TMOD4: variants seen among roughly 807,000 people sequenced by gnomAD.
The protein encoded by TMOD4 is tropomodulin-4.
TMOD4 carries 34 observed loss-of-function variants against 45.4 expected under a neutral mutation model. That is an observed-to-expected ratio of 0.75 (90% CI 0.57 to 1.00). TMOD4 has a LOEUF of 1.00. TMOD4 is among the 50% of genes least tolerant of loss of function. TMOD4 has a pLI of 0.00. For missense variants in TMOD4, 399 were observed against 437.5 expected, an observed-to-expected ratio of 0.91 and a Z score of 0.78; for synonymous variants, 131 against 153.9, an observed-to-expected ratio of 0.85 and a Z score of 1.10.
rs1379745606 is a variant in TMOD4 at position 151,174,410 on chromosome 1, G to A, written c.261C>T (p.Pro87=). The change falls in exon 3 of 10, where the codon CCC becomes CCT. Residue 87 remains proline (P), a synonymous_variant. Transcript: ENST00000295314. ...CCATACCCTTCTTCTCGCCTGTGAA[G>A]GGCACCAAGTCATCACGCTCTTTGA... The part of the protein sequence containing the change: ...LEVKERDDLV[P]FTGEKKGKPY... The A allele has an allele frequency of 6.2e-7, 1 of 1,614,116 alleles. No homozygotes were observed. Among genetic ancestry groups the A allele is most frequent in the Non-Finnish European group, 8.5e-7 (1 of 1,180,006 alleles).
chr1:151,170,054 C>T lies in TMOD4; in HGVS notation c.*27G>A, dbSNP rs28730720. 5.9e-3 allele frequency: 9,544 copies of T among 1,613,678 alleles called. 39 individuals are homozygous for T. Among genetic ancestry groups the T allele is most frequent in the Non-Finnish European group, 7.4e-3 (8,764 of 1,179,604 alleles). On this transcript the variant is annotated 3_prime_UTR_variant, in exon 10 of 10. Transcript: ENST00000295314. ...GGATTTAAGTGTCCAGTGCTCCCAGCGCTAGTTGGTAAAGGGAAATGCAGT... is the reference window on the plus strand; with the variant it reads ...GGATTTAAGTGTCCAGTGCTCCCAGTGCTAGTTGGTAAAGGGAAATGCAGT...
Position 151,170,405 on chromosome 1 carries a change from G to A in TMOD4, c.1015+114C>T, listed in dbSNP as rs587722256. On this transcript the variant is annotated intron_variant, in intron 9 of 9. Coordinates refer to ENST00000295314, the MANE Select transcript of TMOD4 (RefSeq NM_013353.3). ...CTCTTGGGATTTGAAATTCTCATAT[G>A]AATAGCTCTTTGGTAGCACCCTGGG... 3.5e-4 allele frequency: 522 copies of A among 1,476,810 alleles called. 9 individuals carry two copies. The South Asian group carries it at 6.2e-3, about 18-fold the overall frequency. The allele number at this position is 1,476,810 out of a possible 1,614,324, so 91.5% of individuals were successfully genotyped here. A position where few individuals can be genotyped will look rare whatever the true frequency, so the allele number is the denominator to read the frequency against.
At chr1:151,172,692 G>C (rs1403463383) in intron 4 of TMOD4, among the ~76,000 whole-genome samples, 1 of 152,076 alleles carries the variant, frequency 6.6e-6, no homozygotes, top group Non-Finnish European at 1.5e-5. Flanking sequence ...GAGTGCAGTG[G>C]TGCGATCTTG....
intron 7 of TMOD4, 35 bp downstream of exon 7, chr1:151,171,398 G>A: frequency 6.4e-7 from 1 of 1,565,686 alleles, no homozygotes; most frequent in South Asian, 1.1e-5. Context: ...CATGTAAGAT[G>A]TGGGGAGAGG....
chr1:151,170,907 A>G lies in TMOD4; in HGVS notation c.870+13T>C. On this transcript the variant is annotated intron_variant, in intron 8 of 9. Transcript: ENST00000295314. The stretch of plus-strand genomic sequence containing the variant: ...GAGACTGAATGCTAACATCAGGGGA[A>G]GGGAATGCTGACCTGATTGTCTACA... 1 of 1,613,678 alleles carries G rather than the reference A, an allele frequency of 6.2e-7. No homozygotes were observed. The highest frequency in any genetic ancestry group is 2.2e-5 in the East Asian group (1 of 44,860).
chr1:151,170,480 TCC>T, intron 9 of TMOD4, 37 bp downstream of exon 9: 1 of 1,612,260 alleles, frequency 6.2e-7, no homozygotes, highest in Non-Finnish European at 8.5e-7. Flanking sequence ...TTTCTGCACT[TCC>T]CTGACCACTC....
chr1:151,174,964 G>T, intron 1 of TMOD4, 47 bp from the exon 2 acceptor site: 1 of 1,527,712 alleles, frequency 6.5e-7, no homozygotes. Flanking sequence ...GATGGACAGG[G>T]ACACAGCAGG....
intron 6 of TMOD4, 36 bp downstream of exon 6, chr1:151,171,597 T>G (rs1418696423): frequency 6.2e-7 from 1 of 1,614,048 alleles, no homozygotes; most frequent in African/African-American, 1.3e-5. Flanking sequence ...TCAGTGGTTA[T>G]CCGGTGTTAT....
rs1364697598 is a variant in TMOD4 at position 151,175,858 on chromosome 1, A to C, written c.-43+66T>G. The C allele has an allele frequency of 2.6e-5, 4 of 152,144 alleles. No individual in the cohort carries two copies. In the East Asian group the frequency reaches 5.8e-4, roughly 22 times the overall value. The allele number at this position is 152,144 out of a possible 1,614,324, so 9.4% of individuals were successfully genotyped here. On this transcript the variant is annotated intron_variant, in intron 1 of 9. Coordinates refer to ENST00000295314, the MANE Select transcript of TMOD4 (RefSeq NM_013353.3). ...CACACTCCACATCATTCCCCATAGG[A>C]GCCACTCTTCTCCTCCCATCTCCCA...
intron 1 of TMOD4, 76 bp from the exon 2 acceptor site, chr1:151,174,993 AG>A: frequency 8.4e-7 from 1 of 1,189,548 alleles, no homozygotes. Context: ...GAGACCAGCC[AG>A]GGGGGCAGAA....
chr1:151,172,171 C>T (rs1224533215), intron 5 of TMOD4, 97 bp downstream of exon 5: 3 of 1,022,834 alleles, frequency 2.9e-6, no homozygotes, highest in South Asian at 1.4e-5. Flanking sequence ...AGCATGTCCT[C>T]TCCCAGAATC....
rs759021107 is a variant in TMOD4 at position 151,170,469 on chromosome 1, AT to A, written c.1015+49del. 5 of 1,606,872 alleles carry A rather than the reference AT, an allele frequency of 3.1e-6. No individual in the cohort carries two copies. The East Asian group carries it at 1.1e-4, about 36-fold the overall frequency. On this transcript the variant is annotated intron_variant, in intron 9 of 9. Coordinates refer to ENST00000295314, the MANE Select transcript of TMOD4 (RefSeq NM_013353.3). The stretch of plus-strand genomic sequence containing the variant: ...GGTCTGCTTTCAGGAGGATCCACCA[AT>A]TTCTGCACTTCCCTGACCACTCCAC...
Position 151,170,101 on chromosome 1 carries a change from G to T in TMOD4, c.1018C>A (p.Arg340Ser). Residue 340 changes from arginine to serine, a missense_variant and splice_region_variant, in exon 10 of 10, where the codon CGC (arginine) becomes AGC (serine). Physicochemically the swap from Arg to Ser is moderately radical, Grantham distance 110 (BLOSUM62 -1). Transcript: ENST00000295314. ...CAGTGTTATCTCTTCTTTTGCTGGC[G>T]ACCTGTAAAGGAGCAATATTAAACA... Reference protein sequence around the residue: ...QAMTRNNELRRQQKKR With the variant: ...QAMTRNNELRSQQKKR The T allele has an allele frequency of 6.2e-7, 1 of 1,614,120 alleles. No individual in the cohort carries two copies. Among genetic ancestry groups the T allele is most frequent in the South Asian group, 1.1e-5 (1 of 91,054 alleles).
At chr1:151,170,709 GTTTACCATCCCACAT>G (rs1683925280) in intron 8 of TMOD4, 46 bp from the exon 9 acceptor site, 1 of 1,608,296 alleles carries the variant, frequency 6.2e-7, no homozygotes, top group Non-Finnish European at 8.5e-7. Flanking sequence ...TCTCTGGGCT[GTTTACCATCCCACAT>G]CACAGACCCC....
At chr1:151,173,794 C>T (rs587697110) in intron 3 of TMOD4, among the ~76,000 whole-genome samples, 179 bp from the exon 4 acceptor site, 3 of 152,288 alleles carry the variant, frequency 2.0e-5, no homozygotes, top group East Asian at 1.9e-4. Context: ...CTGAAGAGTG[C>T]GGGGCTGGGC....
At chr1:151,172,419 C>T (rs1683990127) in intron 4 of TMOD4, 62 bp from the exon 5 acceptor site, 1 of 1,285,952 alleles carries the variant, frequency 7.8e-7, no homozygotes, top group Non-Finnish European at 1.1e-6. Flanking sequence ...AGCCTCCCTC[C>T]TACCTATTTC....
intron 8 of TMOD4, 93 bp from the exon 9 acceptor site, chr1:151,170,756 G>C: frequency 6.4e-7 from 1 of 1,550,460 alleles, no homozygotes; most frequent in Non-Finnish European, 8.7e-7. Context: ...AAAGAAGCTT[G>C]TTTCTCCACA....
chr1:151,171,129 C>G, intron 7 of TMOD4, 66 bp from the exon 8 acceptor site: 1 of 1,553,024 alleles, frequency 6.4e-7, no homozygotes, highest in Non-Finnish European at 8.8e-7. Flanking sequence ...AAAGAAAGAA[C>G]AGGAGCAAGA....
At chr1:151,171,355 G>A in intron 7 of TMOD4, 78 bp downstream of exon 7, 2 of 1,372,820 alleles carry the variant, frequency 1.5e-6, no homozygotes, top group Middle Eastern at 2.2e-4. Context: ...GCACTCCCTA[G>A]CAAAACCCTT....
Sources: allele counts gnomAD v4.1 joint callset (sites outside exome capture counted in the v4.1 genomes callset), GRCh38; gene constraint gnomAD v4.1.1; transcripts MANE v1.5; gene names NCBI Gene and HGNC (gene_info 2026-07-23, HGNC 2026-07-21).